Variants in DCC observed in about 807,000 individuals in gnomAD.
DCC encodes the protein netrin receptor DCC.
DCC carries 58 observed loss-of-function variants against 172.5 expected under a neutral mutation model. The ratio of observed to expected loss-of-function variants is 0.34; its 90% CI spans 0.27 to 0.42. DCC has a LOEUF of 0.42. Ranked by LOEUF, DCC falls within the 10% of genes least tolerant of loss-of-function variation. The pLI is 1.00. For synonymous variants in DCC, 709 were observed against 644.5 expected, an observed-to-expected ratio of 1.10 and a Z score of -1.52; for missense variants, 1,740 against 1,791.0, an observed-to-expected ratio of 0.97 and a Z score of 0.51.
intron 5 of DCC, among the ~76,000 whole-genome samples, chr18:52,956,182 T>C (rs1452462536): frequency 1.3e-5 from 2 of 152,050 alleles, no homozygotes; most frequent in Non-Finnish European, 2.9e-5. Context: ...TTCCAGGAGT[T>C]TTATAGTTTA....
At chr18:52,636,957 A>G (rs2034793254) in intron 1 of DCC, among the ~76,000 whole-genome samples, 1 of 152,180 alleles carries the variant, frequency 6.6e-6, no homozygotes, top group South Asian at 2.1e-4. Context: ...CACTGGTTCC[A>G]TGGCTGAGAG....
chr18:52,902,402 C>T (rs545900955), intron 2 of DCC, among the ~76,000 whole-genome samples: 14 of 152,244 alleles, frequency 9.2e-5, no homozygotes, highest in South Asian at 2.1e-4. Flanking sequence ...ATCATTACAA[C>T]GGATCAGATG....
intron 12 of DCC, among the ~76,000 whole-genome samples, chr18:53,239,587 C>T (rs1265235873): frequency 6.6e-6 from 1 of 152,044 alleles, no homozygotes; most frequent in Non-Finnish European, 1.5e-5. Context: ...CATCACTGGG[C>T]CCTTTGATTG....
chr18:53,002,988 GA>G (rs2041589523), intron 5 of DCC, among the ~76,000 whole-genome samples: 2 of 152,098 alleles, frequency 1.3e-5, no homozygotes, highest in Admixed American at 1.3e-4. Context: ...GCTTGAAAAA[GA>G]AAGGAACCTC....
intron 1 of DCC, among the ~76,000 whole-genome samples, chr18:52,669,071 G>A (rs2144964736): frequency 6.6e-6 from 1 of 152,266 alleles, no homozygotes; most frequent in East Asian, 1.9e-4. Context: ...AGTTTTTAAG[G>A]ATGACTTGGT....
At chr18:52,438,308 G>A (rs1369904150) in intron 1 of DCC, among the ~76,000 whole-genome samples, 2 of 152,088 alleles carry the variant, frequency 1.3e-5, no homozygotes, top group South Asian at 2.1e-4. Context: ...CACTCTGGTC[G>A]GTCTCCTGGC....
intron 1 of DCC, among the ~76,000 whole-genome samples, chr18:52,693,024 C>T (rs2035954485): frequency 6.6e-6 from 1 of 152,088 alleles, no homozygotes; most frequent in Non-Finnish European, 1.5e-5. Context: ...GTGACTTTCC[C>T]TCTCTCCTCA....
chr18:52,886,061 C>G (rs1051810945), intron 2 of DCC, among the ~76,000 whole-genome samples: 2 of 151,716 alleles, frequency 1.3e-5, no homozygotes, highest in Non-Finnish European at 2.9e-5. Context: ...CTTCTCTCTC[C>G]TCACCTCAAG....
intron 1 of DCC, among the ~76,000 whole-genome samples, chr18:52,461,272 G>A (rs1413690503): frequency 6.6e-6 from 1 of 152,280 alleles, no homozygotes; most frequent in East Asian, 1.9e-4. Flanking sequence ...CCATTGGAAG[G>A]TCTTCAGGGT....
At chr18:52,926,916 T>C (rs201925437) in intron 5 of DCC, among the ~76,000 whole-genome samples, 1 of 136,624 alleles carries the variant, frequency 7.3e-6, no homozygotes, top group Non-Finnish European at 1.6e-5. Context: ...TATATACGTA[T>C]ACATATATAT....
At chr18:53,147,774 T>C (rs1300159287) in intron 7 of DCC, among the ~76,000 whole-genome samples, 1 of 152,182 alleles carries the variant, frequency 6.6e-6, no homozygotes, top group Admixed American at 6.5e-5. Flanking sequence ...ATCCTAGAAA[T>C]GAGCATTTCC....
At chr18:53,175,310 T>C (rs1227437605) in intron 8 of DCC, among the ~76,000 whole-genome samples, 1 of 151,734 alleles carries the variant, frequency 6.6e-6, no homozygotes, top group Non-Finnish European at 1.5e-5. Context: ...CAACATAGTG[T>C]TGGAAGTTCT....
chr18:52,555,437 T>C (rs574693331), intron 1 of DCC, among the ~76,000 whole-genome samples: 2 of 152,258 alleles, frequency 1.3e-5, no homozygotes, highest in South Asian at 2.1e-4. Flanking sequence ...TTTCCTAATT[T>C]AGTGAATACA....
At chr18:53,220,442 C>T (rs1216026282) in intron 12 of DCC, among the ~76,000 whole-genome samples, 6 of 152,136 alleles carry the variant, frequency 3.9e-5, no homozygotes, top group African/African-American at 1.4e-4. Flanking sequence ...TTCTTCATGT[C>T]TCCCTAAGTC....
intron 5 of DCC, among the ~76,000 whole-genome samples, chr18:52,934,041 A>G (rs748810595): frequency 3.3e-5 from 5 of 152,068 alleles, no homozygotes; most frequent in Non-Finnish European, 5.9e-5. Flanking sequence ...TGGAAAGATT[A>G]AGCTAGCTAA....
chr18:52,821,843 T>G (rs2038412105), intron 2 of DCC, among the ~76,000 whole-genome samples: 1 of 152,228 alleles, frequency 6.6e-6, no homozygotes, highest in Non-Finnish European at 1.5e-5. Context: ...AAACAGTACT[T>G]GGCATTGACT....
At chr18:52,779,602 C>T (rs1455171479) in intron 2 of DCC, among the ~76,000 whole-genome samples, 1 of 152,074 alleles carries the variant, frequency 6.6e-6, no homozygotes, top group South Asian at 2.1e-4. Context: ...TGAATGGTGC[C>T]ATAATAAACA....
At chr18:52,527,306 A>G (rs1364505361) in intron 1 of DCC, among the ~76,000 whole-genome samples, 1 of 152,244 alleles carries the variant, frequency 6.6e-6, no homozygotes, top group Non-Finnish European at 1.5e-5. Context: ...AAAGAAACAA[A>G]CATAGCCTTT....
At chr18:52,510,340 GGC>G (rs1396429583) in intron 1 of DCC, among the ~76,000 whole-genome samples, 2 of 152,100 alleles carry the variant, frequency 1.3e-5, no homozygotes, top group Admixed American at 1.3e-4. Context: ...TCCAGCTGCG[GGC>G]TCAGGTCTTT....
Sources: allele counts gnomAD v4.1 joint callset (sites outside exome capture counted in the v4.1 genomes callset), GRCh38; gene constraint gnomAD v4.1.1; transcripts MANE v1.5; gene names NCBI Gene and HGNC (gene_info 2026-07-23, HGNC 2026-07-21).